INPP5F: variants seen among roughly 807,000 people sequenced by gnomAD.
The protein encoded by INPP5F is phosphatidylinositide 4-phosphatase SAC2.
Under a neutral mutation model 137.2 loss-of-function variants are expected in INPP5F, and 97 were observed. The observed-to-expected ratio is 0.71, with a 90% CI of 0.60 to 0.84. INPP5F has a LOEUF of 0.84. Among genes scored for constraint, INPP5F ranks in the 40% least tolerant of loss-of-function variants. INPP5F has a pLI of 0.00. For synonymous variants in INPP5F, 504 were observed against 476.9 expected (o/e 1.06, Z -0.74); for missense variants, 1,271 against 1,371.9 (o/e 0.93, Z 1.16).
intron 1 of INPP5F, among the ~76,000 whole-genome samples, chr10:119,741,867 C>G (rs1564802348): frequency 6.6e-6 from 1 of 152,054 alleles, no homozygotes; most frequent in African/African-American, 2.4e-5. Context: ...GAGTCTCACT[C>G]TGTTGCCGAT....
At chr10:119,726,434 G>A in intron 1 of INPP5F, 75 bp downstream of exon 1, 1 of 892,610 alleles carries the variant, frequency 1.1e-6, no homozygotes, top group Non-Finnish European at 1.4e-6. Context: ...GGACCCCTCA[G>A]CCGGGCGGGA....
At chr10:119,812,073 T>G in intron 15 of INPP5F, 118 bp downstream of exon 15, 1 of 759,994 alleles carries the variant, frequency 1.3e-6, no homozygotes, top group Non-Finnish European at 2.2e-6. Flanking sequence ...GCGTGACTAT[T>G]TCCTCTATGA....
chr10:119,756,865 C>CA (rs11415974), intron 2 of INPP5F, among the ~76,000 whole-genome samples: 66,799 of 97,834 alleles, frequency 0.68, 23,415 homozygotes, highest in Admixed American at 0.78. Context: ...AGCTCTGCCA[C>CA]AAAAAAAAAA....
At chr10:119,733,317 T>C (rs1368092266) in intron 1 of INPP5F, among the ~76,000 whole-genome samples, 1 of 152,234 alleles carries the variant, frequency 6.6e-6, no homozygotes, top group Non-Finnish European at 1.5e-5. Context: ...TGTTATGTAA[T>C]GAATTGACTA....
In INPP5F at chr10:119,827,780, G is replaced by A; in HGVS notation, c.3399G>A (p.Ter1133=). The A allele has an allele frequency of 4.4e-6, 7 of 1,587,264 alleles. No individual in the cohort carries two copies. Among genetic ancestry groups the A allele is most frequent in the Non-Finnish European group, 6.0e-6 (7 of 1,166,804 alleles). The stretch of plus-strand genomic sequence containing the variant: ...GCCAGACACGGATAATTCAGATTTA[G>A]CTTTTAGCCATAAGAATCCTTCCAT... ...IQCQTRIIQI[*] is the part of the protein sequence containing the mutation. Residue 1133 remains the stop codon, a stop_retained_variant, in exon 20 of 20, where the codon TAG becomes TAA. Transcript: ENST00000650623.
At chr10:119,728,165 TG>T (rs1269245873) in intron 1 of INPP5F, among the ~76,000 whole-genome samples, 3 of 152,242 alleles carry the variant, frequency 2.0e-5, no homozygotes, top group South Asian at 2.1e-4. Flanking sequence ...CACTTGAGAT[TG>T]GCATACTTTT....
chr10:119,746,382 G>A (rs1848534001), intron 1 of INPP5F, among the ~76,000 whole-genome samples: 1 of 152,070 alleles, frequency 6.6e-6, no homozygotes, highest in Non-Finnish European at 1.5e-5. Context: ...CTACAACTGT[G>A]GTCTGTTCAT....
At chr10:119,786,734 G>A (rs997347287) in intron 3 of INPP5F, among the ~76,000 whole-genome samples, 7 of 151,730 alleles carry the variant, frequency 4.6e-5, no homozygotes, top group African/African-American at 7.3e-5. Context: ...ACCCATGCTG[G>A]TCTTGAATAC....
intron 3 of INPP5F, among the ~76,000 whole-genome samples, chr10:119,788,380 T>C (rs1463489786): frequency 6.6e-6 from 1 of 152,124 alleles, no homozygotes; most frequent in East Asian, 1.9e-4. Flanking sequence ...GGTAGAACAC[T>C]GGGAATACCA....
intron 1 of INPP5F, among the ~76,000 whole-genome samples, chr10:119,735,975 C>A (rs545774281): frequency 4.6e-5 from 7 of 152,280 alleles, no homozygotes; most frequent in Non-Finnish European, 8.8e-5. Flanking sequence ...ACTGAAAATA[C>A]AAAAATTAGG....
At chr10:119,812,002 G>C in intron 15 of INPP5F, 47 bp downstream of exon 15, 1 of 1,455,640 alleles carries the variant, frequency 6.9e-7, no homozygotes, top group Non-Finnish European at 9.6e-7. Context: ...AACTGATGTT[G>C]GGAAGTTGTC....
At chr10:119,808,165 T>A in intron 13 of INPP5F, 105 bp downstream of exon 13, 2 of 1,343,102 alleles carry the variant, frequency 1.5e-6, no homozygotes, top group Non-Finnish European at 2.0e-6. Context: ...CAGATGTGTG[T>A]AGTTGACTCT....
chr10:119,734,947 T>A (rs1014577016), intron 1 of INPP5F, among the ~76,000 whole-genome samples: 1 of 152,198 alleles, frequency 6.6e-6, no homozygotes, highest in Non-Finnish European at 1.5e-5. Context: ...GAGGAGAACA[T>A]TTGAATCAGT....
At chr10:119,812,675 CGTT>C (rs1851090035) in intron 15 of INPP5F, among the ~76,000 whole-genome samples, 1 of 152,078 alleles carries the variant, frequency 6.6e-6, no homozygotes, top group South Asian at 2.1e-4. Context: ...GAATAAAAAA[CGTT>C]GACTGTGGAT....
intron 2 of INPP5F, among the ~76,000 whole-genome samples, chr10:119,774,889 G>A (rs542669484): frequency 1.1e-4 from 16 of 151,998 alleles, no homozygotes; most frequent in Admixed American, 9.2e-4. Flanking sequence ...TAGAGTCCAC[G>A]CTTTTTCCAT....
chr10:119,749,540 C>T (rs748022723), intron 1 of INPP5F, among the ~76,000 whole-genome samples: 13 of 152,138 alleles, frequency 8.5e-5, no homozygotes, highest in South Asian at 2.1e-4. Flanking sequence ...ATTAGTTCCA[C>T]GTATAATTTC....
At position 119,828,627 on chromosome 10, in the gene INPP5F, A is replaced by G. The variant is rs907511003; in HGVS notation, c.*847A>G. The G allele has an allele frequency of 6.6e-6, 1 of 152,214 alleles. No homozygotes were observed. The highest frequency in any genetic ancestry group is 1.5e-5 in the Non-Finnish European group (1 of 68,064). 9.4% of individuals were successfully genotyped at this position (152,214 alleles called of 1,614,324 possible). A position where few individuals can be genotyped will look rare whatever the true frequency, so the allele number is the denominator to read the frequency against. ...TAGTCTGGGCCTAGTGCAGTGGCTC[A>G]CACCTATAATCCCAACACTTTGGGA... On this transcript the variant is annotated 3_prime_UTR_variant, in exon 20 of 20. Coordinates refer to ENST00000650623, the MANE Select transcript of INPP5F (RefSeq NM_014937.4).
At chr10:119,735,517 A>G (rs1848192853) in intron 1 of INPP5F, among the ~76,000 whole-genome samples, 1 of 152,182 alleles carries the variant, frequency 6.6e-6, no homozygotes, top group African/African-American at 2.4e-5. Flanking sequence ...CATGCTCTCA[A>G]TTTTAGTAAT....
chr10:119,735,850 C>A lies in INPP5F; in HGVS notation c.97+9491C>A, dbSNP rs148494270. Among the ~76,000 whole-genome samples, 388 of 152,306 alleles carry A rather than the reference C, an allele frequency of 2.5e-3. 1 individual carries two copies. Among genetic ancestry groups the A allele is most frequent in the African/African-American group, 8.9e-3 (370 of 41,566 alleles). On this transcript the variant is annotated intron_variant, in intron 1 of 19. Transcript: ENST00000650623. ...TTACATCGCCTAAAATTCTGTGGGC[C>A]AGGCGCAGTGGCTCATGCCTGTAAT...
Sources: gnomAD v4.1 joint callset for allele counts (sites outside exome capture counted in the v4.1 genomes callset) on GRCh38, gnomAD v4.1.1 for gene constraint, MANE v1.5 for transcripts, NCBI Gene and HGNC (gene_info 2026-07-23, HGNC 2026-07-21) for gene names.